DOCK7: variants seen among roughly 807,000 people sequenced by gnomAD.
DOCK7 encodes dedicator of cytokinesis 7, also known as dedicator of cytokinesis protein 7.
In DOCK7, 138 loss-of-function variants were observed where a neutral mutation model predicts 271.0. The ratio of observed to expected loss-of-function variants is 0.51; its 90% CI spans 0.44 to 0.59. DOCK7 has a LOEUF of 0.59. DOCK7 is among the 20% of genes least tolerant of loss of function. DOCK7 has a pLI of 0.00. For missense variants in DOCK7, 2,066 were observed against 2,592.4 expected (o/e 0.80, Z 4.41); for synonymous variants, 823 against 876.1 (o/e 0.94, Z 1.07).
intron 16 of DOCK7, among the ~76,000 whole-genome samples, chr1:62,581,287 G>A (rs1011758260): frequency 2.6e-5 from 4 of 152,126 alleles, no homozygotes; most frequent in African/African-American, 9.7e-5. Context: ...AAACAGGACA[G>A]CACAGGTTAT....
chr1:62,681,920 A>C (rs1243710803), intron 1 of DOCK7, among the ~76,000 whole-genome samples: 1 of 152,224 alleles, frequency 6.6e-6, no homozygotes, highest in Non-Finnish European at 1.5e-5. Flanking sequence ...TTTGCTTAGT[A>C]ATGCATTCAC....
intron 22 of DOCK7, among the ~76,000 whole-genome samples, chr1:62,549,367 G>A (rs1416230309): frequency 6.6e-6 from 1 of 152,192 alleles, no homozygotes; most frequent in East Asian, 1.9e-4. Flanking sequence ...TTTGACTGAA[G>A]TAGAGATGAT....
rs11207993 is a variant in DOCK7 at position 62,578,793 on chromosome 1, C to T, written c.2010+35G>A. On this transcript the variant is annotated intron_variant, in intron 17 of 49. Transcript: ENST00000635253. ...ATCTTAAATATCACCATTATTTTAGCTCTTTGATCTAAATATTGAACCAAA... is the reference window on the plus strand; with the variant it reads ...ATCTTAAATATCACCATTATTTTAGTTCTTTGATCTAAATATTGAACCAAA... The T allele has an allele frequency of 0.16, 238,931 of 1,475,086 alleles. 20,697 individuals are homozygous for T. The highest frequency in any genetic ancestry group is 0.18 in the Non-Finnish European group (198,070 of 1,104,924). 91.4% of individuals were successfully genotyped at this position (1,475,086 alleles called of 1,614,324 possible).
At chr1:62,637,880 G>C (rs1655476467) in intron 7 of DOCK7, among the ~76,000 whole-genome samples, 1 of 152,166 alleles carries the variant, frequency 6.6e-6, no homozygotes, top group East Asian at 1.9e-4. Flanking sequence ...AGAGGCAACA[G>C]ATCTAAGTGA....
intron 12 of DOCK7, among the ~76,000 whole-genome samples, chr1:62,624,168 G>A (rs900240100): frequency 1.8e-4 from 27 of 151,856 alleles, no homozygotes; most frequent in Non-Finnish European, 1.5e-5. Flanking sequence ...CTTGATTCAT[G>A]ACACAGAATC....
At chr1:62,659,807 G>A (rs1049754275) in intron 2 of DOCK7, among the ~76,000 whole-genome samples, 3 of 152,112 alleles carry the variant, frequency 2.0e-5, no homozygotes, top group Non-Finnish European at 2.9e-5. Flanking sequence ...ATCAAATAGA[G>A]AGGGACATTA....
In DOCK7 at chr1:62,648,421, A is replaced by G; in HGVS notation, c.513T>C (p.Asp171=). The change falls in exon 5 of 50, where the codon GAT becomes GAC. Residue 171 remains aspartate, a synonymous_variant. Coordinates refer to ENST00000635253, the MANE Select transcript of DOCK7 (RefSeq NM_001367561.1). ...TTAAGAATAAAAGTATTACTTGATC[A>G]TCCTGGTAGCTGTTGCCATCTGGAG... The part of the protein sequence containing the change: ...DEAPDGNSYQ[D]DQDDLKRRSM... The G allele has an allele frequency of 6.6e-7, 1 of 1,524,202 alleles. No homozygotes were observed. Among genetic ancestry groups the G allele is most frequent in the Non-Finnish European group, 8.8e-7 (1 of 1,137,540 alleles). The allele number at this position is 1,524,202 out of a possible 1,614,324, so 94.4% of individuals were successfully genotyped here.
chr1:62,559,490 A>G (rs1195906791), intron 19 of DOCK7, among the ~76,000 whole-genome samples: 1 of 151,820 alleles, frequency 6.6e-6, no homozygotes, highest in East Asian at 1.9e-4. Flanking sequence ...TTGAAGTTCA[A>G]TTATTGTGGC....
intron 38 of DOCK7, 152 bp downstream of exon 38, chr1:62,496,187 A>C: frequency 1.3e-6 from 1 of 765,664 alleles, no homozygotes; most frequent in Non-Finnish European, 2.1e-6. Flanking sequence ...AATAAAACAA[A>C]GAGATTCAGT....
chr1:62,636,526 T>C lies in DOCK7; in HGVS notation c.885+11A>G, dbSNP rs374381760. Reference sequence around the variant, plus strand: ...ATGACAAATAACTATGGTCAAATTATATAATCTTACCTTTTTCTTTTCCTT... The same window carrying C: ...ATGACAAATAACTATGGTCAAATTACATAATCTTACCTTTTTCTTTTCCTT... On this transcript the variant is annotated intron_variant, in intron 8 of 49. Transcript: ENST00000635253. The C allele has an allele frequency of 3.8e-6, 6 of 1,582,928 alleles. No individual in the cohort carries two copies. In the African/African-American group the frequency reaches 4.0e-5, roughly 11 times the overall value.
Position 62,525,655 on chromosome 1 carries a change from G to C in DOCK7, c.3936+2496C>G, listed in dbSNP as rs1644984625. 3.9e-5 allele frequency among the ~76,000 whole-genome samples: 6 copies of C among 152,174 alleles called. No homozygotes were observed. The South Asian group carries it at 1.2e-3, about 32-fold the overall frequency. ...CAAAGGTTACCAGGCTGTAATGTCT[G>C]ATTTCTTAAACTGAGCAGTGGATAT... On this transcript the variant is annotated intron_variant, in intron 31 of 49. Transcript: ENST00000635253.
At chr1:62,650,871 G>A (rs1657252686) in intron 4 of DOCK7, among the ~76,000 whole-genome samples, 2 of 152,200 alleles carry the variant, frequency 1.3e-5, no homozygotes, top group Admixed American at 1.3e-4. Flanking sequence ...TTCAACCACT[G>A]TGGAAGACAG....
At position 62,477,969 on chromosome 1, in the gene DOCK7, G is replaced by T. The variant is rs571248241; in HGVS notation, c.5509-144C>A. 11 of 955,522 alleles carry T rather than the reference G, an allele frequency of 1.2e-5. No individual in the cohort carries two copies. In the African/African-American group the frequency reaches 1.8e-4, roughly 16 times the overall value. 59.2% of individuals were successfully genotyped at this position (955,522 alleles called of 1,614,324 possible). A position where few individuals can be genotyped will look rare whatever the true frequency, so the allele number is the denominator to read the frequency against. ...CAAAATTATAATATTTTAAATGAAG[G>T]TTTAAACAAAGTAAACAGTCTTTCC... On this transcript the variant is annotated intron_variant, in intron 43 of 49. Coordinates refer to ENST00000635253, the MANE Select transcript of DOCK7 (RefSeq NM_001367561.1).
At chr1:62,681,600 G>A (rs1204180017) in intron 1 of DOCK7, among the ~76,000 whole-genome samples, 1 of 150,952 alleles carries the variant, frequency 6.6e-6, no homozygotes, top group Non-Finnish European at 1.5e-5. Context: ...CCCAGAAATT[G>A]CAAGGGTGGC....
intron 42 of DOCK7, 173 bp downstream of exon 42, chr1:62,488,761 T>C: frequency 2.4e-6 from 2 of 826,414 alleles, no homozygotes; most frequent in South Asian, 2.9e-5. Context: ...GTGAATTCAT[T>C]TTTATTGTTA....
intron 1 of DOCK7, among the ~76,000 whole-genome samples, chr1:62,673,152 A>C (rs1201373329): frequency 3.3e-5 from 5 of 152,182 alleles, no homozygotes; most frequent in African/African-American, 1.2e-4. Flanking sequence ...AAGAAAACTA[A>C]AACATATACA....
At chr1:62,623,955 T>C (rs1653604645) in intron 12 of DOCK7, among the ~76,000 whole-genome samples, 1 of 152,188 alleles carries the variant, frequency 6.6e-6, no homozygotes. Flanking sequence ...AGTTATGAGA[T>C]ATCAGTAAGC....
chr1:62,506,547 T>C (rs1646942171), intron 35 of DOCK7, among the ~76,000 whole-genome samples: 1 of 151,852 alleles, frequency 6.6e-6, no homozygotes, highest in Non-Finnish European at 1.5e-5. Flanking sequence ...CTTGGCTCAC[T>C]GCAACCTCCG....
chr1:62,504,294 G>T (rs541584982), intron 37 of DOCK7, among the ~76,000 whole-genome samples: 1 of 152,112 alleles, frequency 6.6e-6, no homozygotes, highest in East Asian at 1.9e-4. Context: ...TTCTTCAAAG[G>T]CTGTGACATG....
Sources: allele counts gnomAD v4.1 joint callset (sites outside exome capture counted in the v4.1 genomes callset), GRCh38; gene constraint gnomAD v4.1.1; transcripts MANE v1.5; gene names NCBI Gene and HGNC (gene_info 2026-07-23, HGNC 2026-07-21).